Variants in DCC observed in about 807,000 individuals in gnomAD.
DCC encodes the protein DCC netrin 1 receptor, also known as netrin receptor DCC.
DCC carries 58 observed loss-of-function variants against 172.5 expected under a neutral mutation model. That is an observed-to-expected ratio of 0.34 (90% CI 0.27 to 0.42). DCC has a LOEUF of 0.42. Among genes scored for constraint, DCC ranks in the 10% least tolerant of loss-of-function variants. The pLI, the probability that DCC is intolerant of heterozygous loss-of-function variation, is 1.00. For synonymous variants in DCC, 709 were observed against 644.5 expected (o/e 1.10, Z -1.52); for missense variants, 1,740 against 1,791.0 (o/e 0.97, Z 0.51).
At chr18:52,773,975 C>A (rs899506659) in intron 2 of DCC, among the ~76,000 whole-genome samples, 4 of 152,310 alleles carry the variant, frequency 2.6e-5, no homozygotes, top group Middle Eastern at 3.4e-3. Flanking sequence ...ATAATAATTT[C>A]CACAGGTGGT....
At chr18:52,698,158 T>C (rs539373160) in intron 1 of DCC, among the ~76,000 whole-genome samples, 2 of 152,178 alleles carry the variant, frequency 1.3e-5, no homozygotes, top group Admixed American at 6.5e-5. Flanking sequence ...AAATTCAAAA[T>C]TAATGGCTAG....
rs531774484 is a variant in DCC, at chr18:53,255,240, G to A, written c.1911+39643G>A. Reference sequence around the variant, plus strand: ...TTTTTCTATTATTATTATACTTTAAGTTTTAGGGTACATGTGCACAACATG... The same window carrying A: ...TTTTTCTATTATTATTATACTTTAAATTTTAGGGTACATGTGCACAACATG... On this transcript the variant is annotated intron_variant, in intron 12 of 28. Transcript: ENST00000442544. 7.3e-5 allele frequency among the ~76,000 whole-genome samples: 11 copies of A among 151,590 alleles called. No homozygotes were observed. In the South Asian group the frequency reaches 2.3e-3, roughly 32 times the overall value.
intron 1 of DCC, among the ~76,000 whole-genome samples, chr18:52,549,195 A>C (rs1220158401): frequency 1.3e-5 from 2 of 152,100 alleles, no homozygotes; most frequent in Non-Finnish European, 2.9e-5. Context: ...ATATATAGAT[A>C]AAAATTAATT....
chr18:53,054,477 C>G (rs1036967784), intron 5 of DCC, among the ~76,000 whole-genome samples: 2 of 152,100 alleles, frequency 1.3e-5, no homozygotes, highest in African/African-American at 4.8e-5. Context: ...TTAACAAAAG[C>G]GTAGCAATAA....
intron 12 of DCC, among the ~76,000 whole-genome samples, chr18:53,222,945 CCTT>C (rs1331386967): frequency 1.3e-5 from 2 of 151,830 alleles, no homozygotes; most frequent in Non-Finnish European, 2.9e-5. Context: ...TCCAAAAATA[CCTT>C]CTTATCTCAA....
At position 53,016,679 on chromosome 18, in the gene DCC, G is replaced by T. The variant is rs556332915; in HGVS notation, c.986-46626G>T. On this transcript the variant is annotated intron_variant, in intron 5 of 28. Coordinates refer to ENST00000442544, the MANE Select transcript of DCC (RefSeq NM_005215.4). ...TTTATAATGGGAGTGAGAGTACTTT[G>T]TCTTTTGAGACTAGAGAAATATGTA... Among the ~76,000 whole-genome samples, 5 of 152,176 alleles carry T rather than the reference G, an allele frequency of 3.3e-5. No homozygotes were observed. In the South Asian group the frequency reaches 1.0e-3, roughly 32 times the overall value.
At chr18:52,807,911 C>G (rs911106528) in intron 2 of DCC, among the ~76,000 whole-genome samples, 8 of 152,198 alleles carry the variant, frequency 5.3e-5, no homozygotes, top group African/African-American at 1.9e-4. Context: ...GGAAATATTT[C>G]ATTCACTGGT....
intron 5 of DCC, among the ~76,000 whole-genome samples, chr18:52,946,296 T>C (rs1419124976): frequency 6.6e-6 from 1 of 152,210 alleles, no homozygotes; most frequent in Non-Finnish European, 1.5e-5. Context: ...CCAGTGCTTA[T>C]TAGATTGAGT....
At chr18:52,607,987 C>T (rs936051800) in intron 1 of DCC, among the ~76,000 whole-genome samples, 1 of 152,116 alleles carries the variant, frequency 6.6e-6, no homozygotes, top group African/African-American at 2.4e-5. Flanking sequence ...ATGATAGTGA[C>T]TTGCAACATG....
At chr18:52,608,803 T>C (rs935110995) in intron 1 of DCC, among the ~76,000 whole-genome samples, 1 of 152,190 alleles carries the variant, frequency 6.6e-6, no homozygotes, top group African/African-American at 2.4e-5. Context: ...GAGGGAGTGA[T>C]AATTTCTAAA....
At chr18:52,756,594 G>A (rs1034193739) in intron 2 of DCC, among the ~76,000 whole-genome samples, 6 of 152,180 alleles carry the variant, frequency 3.9e-5, no homozygotes, top group African/African-American at 1.4e-4. Context: ...AAAATTGACT[G>A]TTTGGGAATA....
At chr18:52,771,675 A>G (rs17469081) in intron 2 of DCC, among the ~76,000 whole-genome samples, 15,092 of 152,236 alleles carry the variant, frequency 0.099, 953 homozygotes, top group Middle Eastern at 0.21. Context: ...CTTCAATATC[A>G]AAAACCTCCT....
chr18:53,302,656 T>C (rs1568041495), intron 12 of DCC, among the ~76,000 whole-genome samples: 1 of 152,208 alleles, frequency 6.6e-6, no homozygotes, highest in East Asian at 1.9e-4. Context: ...ATATCTGAAA[T>C]ATCCCTATAC....
chr18:53,382,609 G>C (rs374891851), intron 15 of DCC, among the ~76,000 whole-genome samples: 1 of 152,010 alleles, frequency 6.6e-6, no homozygotes, highest in Non-Finnish European at 1.5e-5. Context: ...TCTCTGCCCA[G>C]AATTATATTA....
chr18:52,755,152 G>A (rs2037058918), intron 2 of DCC, among the ~76,000 whole-genome samples: 1 of 152,200 alleles, frequency 6.6e-6, no homozygotes, highest in Admixed American at 6.5e-5. Context: ...TCAGTCACTA[G>A]AGAATTTCTG....
chr18:52,790,226 G>T (rs185523188), intron 2 of DCC, among the ~76,000 whole-genome samples: 24 of 152,306 alleles, frequency 1.6e-4, no homozygotes, highest in African/African-American at 5.5e-4. Context: ...AGACTGTTTT[G>T]TTGGGCTGGC....
intron 1 of DCC, among the ~76,000 whole-genome samples, chr18:52,697,770 T>C (rs530122012): frequency 2.0e-5 from 3 of 152,340 alleles, no homozygotes; most frequent in Admixed American, 1.3e-4. Context: ...GAATATGTAA[T>C]GTAATCATTG....
intron 14 of DCC, among the ~76,000 whole-genome samples, chr18:53,338,902 G>A (rs1226261546): frequency 6.6e-6 from 1 of 152,156 alleles, no homozygotes; most frequent in East Asian, 1.9e-4. Context: ...GGGAACTGAG[G>A]CTTAGAGAGG....
At chr18:52,834,734 C>T (rs754394225) in intron 2 of DCC, among the ~76,000 whole-genome samples, 75 of 152,062 alleles carry the variant, frequency 4.9e-4, no homozygotes, top group Admixed American at 1.4e-3. Flanking sequence ...AATATGTTTT[C>T]TTAGTGACAC....
Sources: gnomAD v4.1 joint callset for allele counts (sites outside exome capture counted in the v4.1 genomes callset) on GRCh38, gnomAD v4.1.1 for gene constraint, MANE v1.5 for transcripts, NCBI Gene and HGNC (gene_info 2026-07-23, HGNC 2026-07-21) for gene names.